ABCA13: variants seen among roughly 807,000 people sequenced by gnomAD.
The protein encoded by ABCA13 is ATP-binding cassette sub-family A member 13.
Under a neutral mutation model 478.7 loss-of-function variants are expected in ABCA13, and 476 were observed. That is an observed-to-expected ratio of 0.99 (90% CI 0.92 to 1.07). The LOEUF is 1.07. Ranked by LOEUF, ABCA13 falls within the 50% of genes least tolerant of loss-of-function variation. The pLI, the probability that ABCA13 is intolerant of heterozygous loss-of-function variation, is 0.00. For synonymous variants in ABCA13, 2,252 were observed against 2,158.9 expected, an observed-to-expected ratio of 1.04 and a Z score of -1.20; for missense variants, 6,060 against 5,910.6, an observed-to-expected ratio of 1.03 and a Z score of -0.83.
chr7:48,275,027 C>T lies in ABCA13; in HGVS notation c.5361C>T (p.Thr1787=), dbSNP rs375559821. 3 of 1,613,718 alleles carry T rather than the reference C, an allele frequency of 1.9e-6. No homozygotes were observed. The African/African-American group carries it at 4.0e-5, about 22-fold the overall frequency. Reference sequence around the variant, plus strand: ...ATGGCATAACCATTTCAAATATCACCAAGGAAGACTTCGCAATTGTGATAA... The same window carrying T: ...ATGGCATAACCATTTCAAATATCACTAAGGAAGACTTCGCAATTGTGATAA... The part of the protein sequence containing the change: ...LLHGITISNI[T]KEDFAIVIKI... Residue 1787 remains threonine, a synonymous_variant, in exon 17 of 62, where the codon ACC becomes ACT. Transcript: ENST00000435803.
intron 42 of ABCA13, among the ~76,000 whole-genome samples, chr7:48,433,909 T>C (rs1198785192): frequency 1.3e-5 from 2 of 152,154 alleles, no homozygotes; most frequent in Non-Finnish European, 2.9e-5. Flanking sequence ...ATTTTGTTTA[T>C]CCATTTATCT....
intron 38 of ABCA13, among the ~76,000 whole-genome samples, chr7:48,400,452 G>A (rs1422591847): frequency 6.6e-6 from 1 of 152,182 alleles, no homozygotes; most frequent in African/African-American, 2.4e-5. Flanking sequence ...TTCTCAATTA[G>A]AGGATTATCC....
chr7:48,356,619 C>T (rs1049718721), intron 31 of ABCA13, among the ~76,000 whole-genome samples: 1 of 151,832 alleles, frequency 6.6e-6, no homozygotes, highest in Admixed American at 6.6e-5. Flanking sequence ...ACACAGATCT[C>T]TCTCTCTCCT....
At chr7:48,467,104 G>C in intron 44 of ABCA13, 59 bp downstream of exon 44, 1 of 1,486,472 alleles carries the variant, frequency 6.7e-7, no homozygotes, top group Non-Finnish European at 9.4e-7. Context: ...ATTGTAGCCT[G>C]GGAGGACTGT....
chr7:48,592,769 A>G (rs1047544690), intron 57 of ABCA13, among the ~76,000 whole-genome samples: 1 of 151,950 alleles, frequency 6.6e-6, no homozygotes, highest in Non-Finnish European at 1.5e-5. Context: ...TGTTTAGTGC[A>G]TATCTATTTA....
intron 38 of ABCA13, 86 bp downstream of exon 38, chr7:48,392,225 T>C: frequency 8.1e-7 from 1 of 1,239,480 alleles, no homozygotes. Flanking sequence ...ACTTAAAAAA[T>C]CATCTGTGTC....
intron 57 of ABCA13, among the ~76,000 whole-genome samples, chr7:48,591,716 T>C (rs984091077): frequency 1.3e-5 from 2 of 152,030 alleles, no homozygotes; most frequent in Non-Finnish European, 2.9e-5. Flanking sequence ...AAGTATTTTA[T>C]TCATTTTGAT....
chr7:48,471,848 A>G (rs943049473), intron 45 of ABCA13, among the ~76,000 whole-genome samples: 14 of 152,202 alleles, frequency 9.2e-5, no homozygotes, highest in Non-Finnish European at 1.6e-4. Flanking sequence ...TTCCCCTGGC[A>G]TTCATTAAGA....
rs1184118727 is a variant in ABCA13 at position 48,245,983 on chromosome 7, T to A, written c.1612T>A (p.Ser538Thr). ...GGGACTGTTGTGCTATTGTAACTCC[T>A]CTGAGACGAGTGTTTTAAACAAGCT... is the stretch of plus-strand genomic sequence containing the variant. The part of the protein sequence containing the change: ...LQGLLCYCNS[S>T]ETSVLNKLLG... The change falls in exon 13 of 62, where the codon TCT (serine) becomes ACT (threonine). Residue 538 changes from serine to threonine, a missense_variant. By Grantham distance (58) the Ser-to-Thr change is moderately conservative. Coordinates refer to ENST00000435803, the MANE Select transcript of ABCA13 (RefSeq NM_152701.5). The A allele has an allele frequency of 5.6e-6, 9 of 1,613,696 alleles. No homozygotes were observed. The highest frequency in any genetic ancestry group is 1.1e-5 in the South Asian group (1 of 91,058).
intron 26 of ABCA13, among the ~76,000 whole-genome samples, 184 bp downstream of exon 26, chr7:48,314,593 C>T (rs1283411488): frequency 6.6e-6 from 1 of 152,154 alleles, no homozygotes; most frequent in Non-Finnish European, 1.5e-5. Flanking sequence ...TGCCTTTGAG[C>T]ACAGACAAAT....
At chr7:48,415,116 A>G (rs1819800739) in intron 41 of ABCA13, among the ~76,000 whole-genome samples, 1 of 152,186 alleles carries the variant, frequency 6.6e-6, no homozygotes, top group Non-Finnish European at 1.5e-5. Flanking sequence ...CCATACTTGA[A>G]TGCAGCTATG....
chr7:48,256,562 C>T (rs758182510), intron 15 of ABCA13, among the ~76,000 whole-genome samples: 1 of 152,058 alleles, frequency 6.6e-6, no homozygotes, highest in Non-Finnish European at 1.5e-5. Context: ...GAATCCTATC[C>T]CTATTGCTAG....
chr7:48,610,507 G>A (rs191876216), intron 58 of ABCA13, among the ~76,000 whole-genome samples: 9 of 152,308 alleles, frequency 5.9e-5, no homozygotes, highest in African/African-American at 2.2e-4. Flanking sequence ...GAGGGTGGTA[G>A]CCCTCTTCTC....
At chr7:48,633,040 A>C (rs1019957454) in intron 59 of ABCA13, among the ~76,000 whole-genome samples, 2 of 152,190 alleles carry the variant, frequency 1.3e-5, no homozygotes, top group Non-Finnish European at 2.9e-5. Flanking sequence ...ATATGACACC[A>C]AAAACACAAC....
intron 2 of ABCA13, among the ~76,000 whole-genome samples, chr7:48,196,539 G>A (rs1797959089): frequency 6.6e-6 from 1 of 152,144 alleles, no homozygotes; most frequent in African/African-American, 2.4e-5. Flanking sequence ...GACTTGGTGA[G>A]AAAGCCAGTC....
intron 58 of ABCA13, chr7:48,611,903 TAAAG>T (rs1792062651): frequency 6.6e-6 from 1 of 152,208 alleles, no homozygotes; most frequent in Admixed American, 6.5e-5. Flanking sequence ...TGAAATTAAT[TAAAG>T]AAATATGTGT....
At chr7:48,196,459 C>T (rs1734282231) in intron 2 of ABCA13, among the ~76,000 whole-genome samples, 2 of 152,158 alleles carry the variant, frequency 1.3e-5, no homozygotes, top group Non-Finnish European at 2.9e-5. Flanking sequence ...ATGGGCATGG[C>T]GTGCAACCTT....
At chr7:48,363,669 T>C (rs1216692676) in intron 31 of ABCA13, among the ~76,000 whole-genome samples, 1 of 152,180 alleles carries the variant, frequency 6.6e-6, no homozygotes, top group Non-Finnish European at 1.5e-5. Flanking sequence ...ATTTTCTACA[T>C]CCCTTACTGT....
At chr7:48,322,705 G>A (rs1344546577) in intron 27 of ABCA13, among the ~76,000 whole-genome samples, 1 of 152,180 alleles carries the variant, frequency 6.6e-6, no homozygotes, top group Non-Finnish European at 1.5e-5. Flanking sequence ...CCCCCAACAG[G>A]CACTGTGTGT....
Sources: gnomAD v4.1 joint callset for allele counts (sites outside exome capture counted in the v4.1 genomes callset) on GRCh38, gnomAD v4.1.1 for gene constraint, MANE v1.5 for transcripts, NCBI Gene and HGNC (gene_info 2026-07-23, HGNC 2026-07-21) for gene names.